Variants in RTL4 observed in about 807,000 individuals in gnomAD.
The protein encoded by RTL4 is retrotransposon Gag-like protein 4.
Under a neutral mutation model 5.3 loss-of-function variants are expected in RTL4, and 4 were observed. That is an observed-to-expected ratio of 0.75 (90% CI 0.37 to 1.72). The LOEUF is 1.72. Ranked by LOEUF, RTL4 falls within the 40% of genes most tolerant of loss-of-function variation. RTL4 has a pLI of 0.04. For synonymous variants in RTL4, 98 were observed against 87.3 expected (o/e 1.12, Z -0.68); for missense variants, 260 against 227.1 (o/e 1.14, Z -0.93).
the RTL4 span, among the ~76,000 whole-genome samples, chrX:112,110,740 C>G: frequency 2.1e-4 from 23 of 112,066 alleles, no homozygotes; most frequent in African/African-American, 7.1e-4. Context: ...CACGTTTGAG[C>G]AGACCAATTA....
chrX:112,089,578 C>T, the RTL4 span, among the ~76,000 whole-genome samples: 4 of 111,002 alleles, frequency 3.6e-5, no homozygotes, highest in East Asian at 1.1e-3. Context: ...ATTTTTGAAC[C>T]TTCAATTCTA....
the RTL4 span, among the ~76,000 whole-genome samples, chrX:112,145,059 G>A: frequency 2.7e-5 from 3 of 110,675 alleles, no homozygotes; most frequent in East Asian, 8.6e-4. Context: ...ATCCTGAAGG[G>A]TTCTGTTCAG....
chrX:112,437,365 A>T, the RTL4 span, among the ~76,000 whole-genome samples: 1 of 112,136 alleles, frequency 8.9e-6, no homozygotes, highest in African/African-American at 3.2e-5. Context: ...CATCATGGTG[A>T]ATATAGCTAA....
At chrX:112,354,869 T>C in the RTL4 span, among the ~76,000 whole-genome samples, 1 of 111,408 alleles carries the variant, frequency 9.0e-6, no homozygotes, top group Non-Finnish European at 1.9e-5. Flanking sequence ...GGGTTTTTGC[T>C]CAGAATTGTA....
the RTL4 span, among the ~76,000 whole-genome samples, chrX:112,325,739 G>C: frequency 8.0e-5 from 9 of 112,279 alleles, no homozygotes; most frequent in Admixed American, 5.7e-4. Flanking sequence ...GCATATGCAT[G>C]GGCAAGGACT....
chrX:112,163,776 G>T, the RTL4 span, among the ~76,000 whole-genome samples: 1 of 111,833 alleles, frequency 8.9e-6, no homozygotes, highest in Non-Finnish European at 1.9e-5. Flanking sequence ...GTTTGAATGA[G>T]ATGAAGTATG....
chrX:112,149,810 A>C, the RTL4 span, among the ~76,000 whole-genome samples: 1 of 111,596 alleles, frequency 9.0e-6, no homozygotes, highest in Non-Finnish European at 1.9e-5. Flanking sequence ...GAATAATTAC[A>C]TTTCAGGTGG....
chrX:112,247,756 A>T, the RTL4 span, among the ~76,000 whole-genome samples: 1 of 112,174 alleles, frequency 8.9e-6, no homozygotes, highest in African/African-American at 3.2e-5. Context: ...AACAGAGTGG[A>T]TCTGTTCCAG....
the RTL4 span, among the ~76,000 whole-genome samples, chrX:112,099,512 A>G: frequency 9.0e-6 from 1 of 111,344 alleles, no homozygotes; most frequent in Non-Finnish European, 1.9e-5. Flanking sequence ...GTGCAAAACT[A>G]TGAAGCCATA....
chrX:112,173,606 A>G, the RTL4 span, among the ~76,000 whole-genome samples: 1 of 111,115 alleles, frequency 9.0e-6, no homozygotes, highest in Non-Finnish European at 1.9e-5. Context: ...TTCAGTTAAA[A>G]AAAGAGTTGT....
the RTL4 span, among the ~76,000 whole-genome samples, chrX:112,327,707 G>A: frequency 9.0e-6 from 1 of 110,658 alleles, no homozygotes; most frequent in Admixed American, 9.7e-5. Flanking sequence ...ATAATTGTCA[G>A]ATTCACCAAA....
At chrX:112,108,054 G>A in the RTL4 span, among the ~76,000 whole-genome samples, 2 of 110,615 alleles carry the variant, frequency 1.8e-5, no homozygotes, top group African/African-American at 6.6e-5. Flanking sequence ...CTGTCTTCAA[G>A]TTCACAGATT....
the RTL4 span, among the ~76,000 whole-genome samples, chrX:112,208,564 G>A: frequency 8.5e-4 from 95 of 112,034 alleles, 1 homozygote; most frequent in African/African-American, 2.8e-3. Flanking sequence ...TCAATATAGC[G>A]ATCATCTATC....
chrX:112,380,451 C>G, the RTL4 span, among the ~76,000 whole-genome samples: 2 of 111,780 alleles, frequency 1.8e-5, no homozygotes, highest in Non-Finnish European at 3.8e-5. Flanking sequence ...CGCACCTGGC[C>G]CGGGATCAAT....
the RTL4 span, among the ~76,000 whole-genome samples, chrX:112,123,746 A>G: frequency 8.9e-6 from 1 of 111,896 alleles, no homozygotes; most frequent in Non-Finnish European, 1.9e-5. Flanking sequence ...GTCGGGTAGC[A>G]TGATGCTCCA....
chrX:112,098,368 A>T, the RTL4 span, among the ~76,000 whole-genome samples: 1 of 111,419 alleles, frequency 9.0e-6, no homozygotes, highest in East Asian at 2.8e-4. Context: ...ATTGTTAGAC[A>T]TTTGGGTTGG....
chrX:112,233,275 G>T, the RTL4 span, among the ~76,000 whole-genome samples: 1 of 111,805 alleles, frequency 8.9e-6, no homozygotes, highest in Non-Finnish European at 1.9e-5. Context: ...TTCCAAGTTG[G>T]TTAGTTGATT....
the RTL4 span, among the ~76,000 whole-genome samples, chrX:112,241,054 A>C: frequency 9.0e-6 from 1 of 111,304 alleles, no homozygotes; most frequent in Non-Finnish European, 1.9e-5. Context: ...ACATTTTCTT[A>C]ATCCAGTATA....
chrX:112,137,742 A>G, the RTL4 span, among the ~76,000 whole-genome samples: 1 of 111,883 alleles, frequency 8.9e-6, no homozygotes, highest in East Asian at 2.8e-4. Flanking sequence ...TATTAAAAAG[A>G]TAACAAGTGT....
Sources: gnomAD v4.1 joint callset for allele counts (sites outside exome capture counted in the v4.1 genomes callset) on GRCh38, gnomAD v4.1.1 for gene constraint, MANE v1.5 for transcripts, NCBI Gene and HGNC (gene_info 2026-07-23, HGNC 2026-07-21) for gene names.